KCNIP4: variants seen among roughly 807,000 people sequenced by gnomAD.
The protein encoded by KCNIP4 is potassium voltage-gated channel interacting protein 4, also known as Kv channel-interacting protein 4.
A neutral mutation model predicts 34.0 loss-of-function variants in KCNIP4; 12 were observed. The ratio of observed to expected loss-of-function variants is 0.35; its 90% CI spans 0.23 to 0.57. KCNIP4 has a LOEUF of 0.57. Among genes scored for constraint, KCNIP4 ranks in the 20% least tolerant of loss-of-function variants. The pLI, the probability that KCNIP4 is intolerant of heterozygous loss-of-function variation, is 0.83. For missense variants in KCNIP4, 238 were observed against 311.7 expected, an observed-to-expected ratio of 0.76 and a Z score of 1.78; for synonymous variants, 124 against 102.2, an observed-to-expected ratio of 1.21 and a Z score of -1.29.
intron 1 of KCNIP4, among the ~76,000 whole-genome samples, chr4:21,016,300 T>A (rs938727640): frequency 1.4e-5 from 2 of 147,982 alleles, no homozygotes; most frequent in South Asian, 2.2e-4. Context: ...TTTTTTTCTT[T>A]TTTCTTTTTT....
intron 1 of KCNIP4, among the ~76,000 whole-genome samples, chr4:21,720,175 C>T (rs888737443): frequency 1.3e-5 from 2 of 152,016 alleles, no homozygotes; most frequent in Admixed American, 1.3e-4. Context: ...TCCATTGAAA[C>T]ATGTCTCCAC....
intron 1 of KCNIP4, among the ~76,000 whole-genome samples, chr4:21,023,020 AC>A (rs1326951844): frequency 6.6e-6 from 1 of 152,034 alleles, no homozygotes; most frequent in Non-Finnish European, 1.5e-5. Flanking sequence ...ACAGGGTTTC[AC>A]CATGTTGGTC....
At chr4:21,622,802 T>C (rs1745079426) in intron 1 of KCNIP4, among the ~76,000 whole-genome samples, 1 of 152,162 alleles carries the variant, frequency 6.6e-6, no homozygotes, top group African/African-American at 2.4e-5. Flanking sequence ...ATTTTACAAA[T>C]AGAAACTTTC....
At chr4:21,804,884 T>C (rs1056609972) in intron 1 of KCNIP4, among the ~76,000 whole-genome samples, 1 of 152,180 alleles carries the variant, frequency 6.6e-6, no homozygotes, top group African/African-American at 2.4e-5. Flanking sequence ...CCTGAAATGT[T>C]AGAACGCTAA....
intron 3 of KCNIP4, among the ~76,000 whole-genome samples, chr4:20,798,362 C>A (rs1274842084): frequency 6.6e-6 from 1 of 152,054 alleles, no homozygotes; most frequent in African/African-American, 2.4e-5. Context: ...AGGCATTGCC[C>A]ATGTCTAAAG....
intron 1 of KCNIP4, among the ~76,000 whole-genome samples, chr4:21,083,790 A>C (rs527535256): frequency 6.6e-6 from 1 of 152,092 alleles, no homozygotes; most frequent in Admixed American, 6.5e-5. Context: ...AGTTTCTTAC[A>C]ATAGTCACAG....
chr4:21,055,936 C>T (rs6854888), intron 1 of KCNIP4, among the ~76,000 whole-genome samples: 64,280 of 151,912 alleles, frequency 0.42, 15,179 homozygotes, highest in African/African-American at 0.65. Flanking sequence ...ATATAAACTA[C>T]AAACTTTGGG....
intron 1 of KCNIP4, among the ~76,000 whole-genome samples, chr4:21,761,263 T>A (rs962530212): frequency 3.3e-5 from 5 of 151,374 alleles, no homozygotes; most frequent in Admixed American, 6.6e-5. Flanking sequence ...TATAACCTTT[T>A]CAACAATATA....
At chr4:21,616,663 C>T (rs1269450574) in intron 1 of KCNIP4, among the ~76,000 whole-genome samples, 1 of 152,110 alleles carries the variant, frequency 6.6e-6, no homozygotes, top group African/African-American at 2.4e-5. Context: ...TGCTGGCAAT[C>T]CGAGATTTTT....
chr4:21,265,977 G>A (rs534669441), intron 1 of KCNIP4, among the ~76,000 whole-genome samples: 2 of 152,310 alleles, frequency 1.3e-5, no homozygotes, highest in Admixed American at 1.3e-4. Context: ...CATTTCCATT[G>A]TGCTAGCAAT....
intron 1 of KCNIP4, among the ~76,000 whole-genome samples, chr4:21,809,159 A>T (rs1221330851): frequency 6.6e-6 from 1 of 152,182 alleles, no homozygotes; most frequent in Non-Finnish European, 1.5e-5. Flanking sequence ...TAGACTATGT[A>T]AAGAAGATCA....
chr4:21,546,837 G>A (rs1738189737), intron 1 of KCNIP4, among the ~76,000 whole-genome samples: 1 of 152,038 alleles, frequency 6.6e-6, no homozygotes, highest in South Asian at 2.1e-4. Flanking sequence ...TGCAGATCTG[G>A]GTTGACGTTT....
chr4:21,146,352 C>T (rs2109228080), intron 1 of KCNIP4, among the ~76,000 whole-genome samples: 1 of 152,082 alleles, frequency 6.6e-6, no homozygotes, highest in Non-Finnish European at 1.5e-5. Context: ...GAGCAGAGAT[C>T]ACGCCATTGC....
chr4:21,445,880 A>T (rs932346399), intron 1 of KCNIP4, among the ~76,000 whole-genome samples: 6 of 152,214 alleles, frequency 3.9e-5, no homozygotes, highest in African/African-American at 1.4e-4. Context: ...CTCATCTGAC[A>T]AAGGGCTAAT....
chr4:21,248,060 A>ATGTGTGTGTGTGTGTG (rs111240655), intron 1 of KCNIP4, among the ~76,000 whole-genome samples: 19 of 145,290 alleles, frequency 1.3e-4, no homozygotes, highest in African/African-American at 4.6e-4. Flanking sequence ...ATATATATAT[A>ATGTGTGTGTGTGTGTG]TGTGTGTGTG....
At chr4:21,345,421 T>G (rs1260958560) in intron 1 of KCNIP4, among the ~76,000 whole-genome samples, 1 of 152,124 alleles carries the variant, frequency 6.6e-6, no homozygotes, top group Non-Finnish European at 1.5e-5. Context: ...ATTTTTGTTG[T>G]TTTAAGCCAC....
chr4:21,843,617 C>T (rs1723826068), intron 1 of KCNIP4: 1 of 152,056 alleles, frequency 6.6e-6, no homozygotes, highest in African/African-American at 2.4e-5. Context: ...TCTGAACCAA[C>T]TGGCCCTGCT....
At chr4:21,516,383 T>C (rs1241756009) in intron 1 of KCNIP4, among the ~76,000 whole-genome samples, 1 of 152,178 alleles carries the variant, frequency 6.6e-6, no homozygotes, top group African/African-American at 2.4e-5. Flanking sequence ...AAGGGCAGAA[T>C]AAGTCCTACC....
At chr4:21,409,628 G>A (rs1410810843) in intron 1 of KCNIP4, among the ~76,000 whole-genome samples, 1 of 152,156 alleles carries the variant, frequency 6.6e-6, no homozygotes, top group African/African-American at 2.4e-5. Context: ...ATTGAGTTAT[G>A]AAATATTTTA....
Sources: allele counts gnomAD v4.1 joint callset (sites outside exome capture counted in the v4.1 genomes callset), GRCh38; gene constraint gnomAD v4.1.1; transcripts MANE v1.5; gene names NCBI Gene and HGNC (gene_info 2026-07-23, HGNC 2026-07-21).